The following COLEC12 variants were observed in gnomAD, a reference collection of about 807,000 sequenced individuals.
COLEC12 encodes the protein collectin subfamily member 12.
In COLEC12, 33 loss-of-function variants were observed where a neutral mutation model predicts 71.1. The ratio of observed to expected loss-of-function variants is 0.46; its 90% CI spans 0.35 to 0.62. The LOEUF is 0.62. Among genes scored for constraint, COLEC12 ranks in the 20% least tolerant of loss-of-function variants. The probability of loss-of-function intolerance (pLI) is 0.00; values close to 1 mark genes in which losing one functional copy is unlikely to be tolerated. For missense variants in COLEC12, 765 were observed against 916.1 expected, an observed-to-expected ratio of 0.84 and a Z score of 2.13; for synonymous variants, 350 against 353.0, an observed-to-expected ratio of 0.99 and a Z score of 0.10.
At chr18:481,351 ATG>A (rs1204209708) in intron 1 of COLEC12, among the ~76,000 whole-genome samples, 1 of 152,140 alleles carries the variant, frequency 6.6e-6, no homozygotes, top group Non-Finnish European at 1.5e-5. Flanking sequence ...TTCGCAGTAA[ATG>A]TGTTTCAAAA....
rs368242518 is a variant in COLEC12 at position 406,402 on chromosome 18, G to A, written c.59-48880C>T. Among the ~76,000 whole-genome samples, 33 of 151,264 alleles carry A rather than the reference G, an allele frequency of 2.2e-4. No individual in the cohort carries two copies. In the South Asian group the frequency reaches 6.1e-3, roughly 28 times the overall value. On this transcript the variant is annotated intron_variant, in intron 2 of 9. Coordinates refer to ENST00000400256, the MANE Select transcript of COLEC12 (RefSeq NM_130386.3). ...CGGGCGCCTGTAGTCCCAGCTACTC[G>A]GGAGGCTGAGGCAGGAGAATGGCGT...
rs1250573064 is a variant in COLEC12 at position 362,358 on chromosome 18, T to C, written c.59-4836A>G. On this transcript the variant is annotated intron_variant, in intron 2 of 9. Coordinates refer to ENST00000400256, the MANE Select transcript of COLEC12 (RefSeq NM_130386.3). The surrounding 1 kb of genome is among the most constrained non-coding windows in gnomAD (Gnocchi z 4.6). ...TGACTTCTTTTTAATAAGAATTCTGTTTTATCTTCCTCTCTGCCCTCCGCT... is the reference window on the plus strand; with the variant it reads ...TGACTTCTTTTTAATAAGAATTCTGCTTTATCTTCCTCTCTGCCCTCCGCT... Among the ~76,000 whole-genome samples the C allele has an allele frequency of 6.6e-6, 1 of 152,080 alleles. No homozygotes were observed. The highest frequency in any genetic ancestry group is 1.5e-5 in the Non-Finnish European group (1 of 68,020).
At chr18:404,001 T>G (rs1567897720) in intron 2 of COLEC12, among the ~76,000 whole-genome samples, 1 of 152,238 alleles carries the variant, frequency 6.6e-6, no homozygotes, top group Non-Finnish European at 1.5e-5. Context: ...TTGGGTTATT[T>G]ATTTATCTTC....
At chr18:387,660 T>C (rs964043000) in intron 2 of COLEC12, among the ~76,000 whole-genome samples, 1 of 152,232 alleles carries the variant, frequency 6.6e-6, no homozygotes, top group African/African-American at 2.4e-5. Flanking sequence ...TACAACCATA[T>C]ACGGCTGTGT....
chr18:369,074 A>T (rs1914936244), intron 2 of COLEC12, among the ~76,000 whole-genome samples: 1 of 152,216 alleles, frequency 6.6e-6, no homozygotes, highest in Admixed American at 6.5e-5. Context: ...CATTGAAATC[A>T]GCAAAAAGCT....
At chr18:420,336 G>A (rs1005809217) in intron 2 of COLEC12, among the ~76,000 whole-genome samples, 4 of 152,116 alleles carry the variant, frequency 2.6e-5, no homozygotes, top group African/African-American at 9.7e-5. Context: ...TCTCAGAACA[G>A]GAAAAATTTT....
chr18:352,018 A>G (rs1914533848), intron 3 of COLEC12, among the ~76,000 whole-genome samples: 1 of 152,174 alleles, frequency 6.6e-6, no homozygotes, highest in African/African-American at 2.4e-5. Flanking sequence ...GCAAGCAAAC[A>G]CGTGTTTCCC....
intron 2 of COLEC12, among the ~76,000 whole-genome samples, chr18:425,589 G>A (rs1045076644): frequency 1.3e-5 from 2 of 152,172 alleles, no homozygotes; most frequent in Non-Finnish European, 1.5e-5. Flanking sequence ...GCTGGGGGAA[G>A]AGGTGGGGGA....
At chr18:355,047 G>GCATGCATGCATC (rs755545328) in intron 3 of COLEC12, among the ~76,000 whole-genome samples, 1 of 150,262 alleles carries the variant, frequency 6.7e-6, no homozygotes, top group African/African-American at 2.5e-5. Flanking sequence ...ATCCATCCAT[G>GCATGCATGCATC]CATCCATCCA....
chr18:496,834 CA>C (rs1917721792), intron 1 of COLEC12, among the ~76,000 whole-genome samples: 1 of 152,172 alleles, frequency 6.6e-6, no homozygotes, highest in South Asian at 2.1e-4. Flanking sequence ...TCTTAGGCAA[CA>C]AGTGCTGCTG....
Position 497,121 on chromosome 18 carries a change from G to A in COLEC12, c.7+3387C>T, listed in dbSNP as rs143028282. On this transcript the variant is annotated intron_variant, in intron 1 of 9. Coordinates refer to ENST00000400256, the MANE Select transcript of COLEC12 (RefSeq NM_130386.3). ...AATATATAATGATGTCATTATTTTG[G>A]TACTTGTGACTCCAGGGATGGAGGA... 1.7e-3 allele frequency among the ~76,000 whole-genome samples: 255 copies of A among 152,208 alleles called. 1 individual carries two copies. The highest frequency in any genetic ancestry group is 7.2e-3 in the Admixed American group (110 of 15,284).
chr18:412,900 A>G (rs1355119484), intron 2 of COLEC12, among the ~76,000 whole-genome samples: 2 of 152,218 alleles, frequency 1.3e-5, no homozygotes, highest in Non-Finnish European at 2.9e-5. Context: ...AAAAATGAAA[A>G]CAGAGCTATA....
At chr18:470,184 G>A (rs1192098616) in intron 2 of COLEC12, among the ~76,000 whole-genome samples, 1 of 150,666 alleles carries the variant, frequency 6.6e-6, no homozygotes, top group Non-Finnish European at 1.5e-5. Flanking sequence ...CAACACTTTG[G>A]AAGGCCAAGG....
intron 2 of COLEC12, among the ~76,000 whole-genome samples, chr18:455,344 CT>C (rs1331342109): frequency 6.8e-6 from 1 of 146,626 alleles, no homozygotes; most frequent in African/African-American, 2.5e-5. Context: ...GTGGCACAAT[CT>C]CAGCTCACTG....
chr18:364,167 T>G (rs1452061609), intron 2 of COLEC12, among the ~76,000 whole-genome samples: 1 of 152,142 alleles, frequency 6.6e-6, no homozygotes, highest in Non-Finnish European at 1.5e-5. Context: ...CAGTTCTGGT[T>G]TGGTTTTATT....
Position 319,787 on chromosome 18 carries a change from G to A in COLEC12, c.*258C>T, listed in dbSNP as rs894816084. ...GAAGACATAATTTGTATAATCGCAC[G>A]GTTACTGACGGAGGAGAATCTATGT... is the stretch of plus-strand genomic sequence containing the variant. On this transcript the variant is annotated 3_prime_UTR_variant, in exon 10 of 10. Transcript: ENST00000400256. 6.7e-5 allele frequency: 33 copies of A among 495,110 alleles called. No homozygotes were observed. The highest frequency in any genetic ancestry group is 3.8e-4 in the South Asian group (14 of 36,774). 30.7% of individuals were successfully genotyped at this position (495,110 alleles called of 1,614,324 possible). A position where few individuals can be genotyped will look rare whatever the true frequency, so the allele number is the denominator to read the frequency against.
At chr18:369,370 G>A (rs1022414926) in intron 2 of COLEC12, among the ~76,000 whole-genome samples, 8 of 150,376 alleles carry the variant, frequency 5.3e-5, no homozygotes, top group Admixed American at 2.0e-4. Flanking sequence ...TTCCTTCCCC[G>A]GAGGTGATAC....
chr18:318,488 GTTTTTTTTTTTT>G lies in COLEC12; in HGVS notation c.*1545_*1556del, dbSNP rs71361502. On this transcript the variant is annotated 3_prime_UTR_variant, in exon 10 of 10. Coordinates refer to ENST00000400256, the MANE Select transcript of COLEC12 (RefSeq NM_130386.3). ...AAAGGAAGATGGGCTCAGAGGAAAG[GTTTTTTTTTTTT>G]TTTTTTTTTTGAGATGGAGTCTTGC... 2.0e-5 allele frequency: 2 copies of G among 99,024 alleles called. No individual in the cohort carries two copies. The highest frequency in any genetic ancestry group is 8.2e-5 in the African/African-American group (2 of 24,260). The allele number at this position is 99,024 out of a possible 1,614,324, so 6.1% of individuals were successfully genotyped here. A position where few individuals can be genotyped will look rare whatever the true frequency, so the allele number is the denominator to read the frequency against.
At chr18:353,954 C>T (rs1229338262) in intron 3 of COLEC12, among the ~76,000 whole-genome samples, 1 of 152,240 alleles carries the variant, frequency 6.6e-6, no homozygotes, top group Non-Finnish European at 1.5e-5. Context: ...AACTGCTACA[C>T]TGACCCAGCT....
Sources: gnomAD v4.1 joint callset for allele counts (sites outside exome capture counted in the v4.1 genomes callset) on GRCh38, gnomAD v4.1.1 for gene constraint, Gnocchi (gnomAD v3.1) non-coding constraint, MANE v1.5 for transcripts, NCBI Gene and HGNC (gene_info 2026-07-23, HGNC 2026-07-21) for gene names.